IGHMBP2: variants seen among roughly 807,000 people sequenced by gnomAD.
The protein encoded by IGHMBP2 is immunoglobulin mu DNA binding protein 2, also known as DNA-binding protein SMUBP-2.
IGHMBP2 carries 81 observed loss-of-function variants against 96.0 expected under a neutral mutation model. The ratio of observed to expected loss-of-function variants is 0.84; its 90% CI spans 0.71 to 1.01. The LOEUF (loss-of-function observed/expected upper bound fraction) is 1.01. Ranked by LOEUF, IGHMBP2 falls within the 50% of genes least tolerant of loss-of-function variation. The pLI is 0.00. For synonymous variants in IGHMBP2, 557 were observed against 548.9 expected (o/e 1.01, Z -0.21); for missense variants, 1,227 against 1,306.3 (o/e 0.94, Z 0.94).
intron 7 of IGHMBP2, among the ~76,000 whole-genome samples, chr11:68,918,611 C>A (rs1297198634): frequency 6.6e-6 from 1 of 152,048 alleles, no homozygotes; most frequent in Non-Finnish European, 1.5e-5. Flanking sequence ...CACTGCACTC[C>A]AGCCTGGGTG....
intron 4 of IGHMBP2, among the ~76,000 whole-genome samples, 156 bp from the exon 5 acceptor site, chr11:68,911,284 A>G (rs1025610886): frequency 6.6e-6 from 1 of 152,188 alleles, no homozygotes; most frequent in Non-Finnish European, 1.5e-5. Context: ...GTGAAAATAA[A>G]GCAGACTTAA....
At position 68,939,799 on chromosome 11, in the gene IGHMBP2, T is replaced by C. The variant is rs1447687619; in HGVS notation, c.*68T>C. On this transcript the variant is annotated 3_prime_UTR_variant, in exon 15 of 15. Transcript: ENST00000255078. ...AGCCCAGGGCGCTGGCAGACCATGC[T>C]CCGCCTCCACCAGGGCCACAGAGGA... 33 of 1,486,140 alleles carry C rather than the reference T, an allele frequency of 2.2e-5. No individual in the cohort carries two copies. The highest frequency in any genetic ancestry group is 2.8e-5 in the Non-Finnish European group (31 of 1,091,222). The allele number at this position is 1,486,140 out of a possible 1,614,324, so 92.1% of individuals were successfully genotyped here.
chr11:68,936,878 G>T lies in IGHMBP2; in HGVS notation c.2398G>T (p.Gly800Cys). 1 of 1,610,766 alleles carries T rather than the reference G, an allele frequency of 6.2e-7. No individual in the cohort carries two copies. The highest frequency in any genetic ancestry group is 2.2e-5 in the East Asian group (1 of 44,788). The change falls in exon 13 of 15, where the codon GGT (glycine) becomes TGT (cysteine). Residue 800 changes from glycine to cysteine, a missense_variant. Gly to Cys is a radical substitution (Grantham distance 159). Coordinates refer to ENST00000255078, the MANE Select transcript of IGHMBP2 (RefSeq NM_002180.3). ...RAALGPPAGT[G>C]GPAPLQPVPP... ...AGCCCTGGGACCCCCAGCAGGGACC[G>T]GTGGCCCAGCCCCTCTCCAGCCAGT...
chr11:68,939,839 G>T lies in IGHMBP2; in HGVS notation c.*108G>T. On this transcript the variant is annotated 3_prime_UTR_variant, in exon 15 of 15. Transcript: ENST00000255078. ...GCCACAGAGGAGCGGAGGGGCCTAT[G>T]GGGGAGGAGCGGAGGGCCCTGTTGG... 1.6e-6 allele frequency: 2 copies of T among 1,221,856 alleles called. No homozygotes were observed. Among genetic ancestry groups the T allele is most frequent in the South Asian group, 3.0e-5 (2 of 67,730 alleles). 75.7% of individuals were successfully genotyped at this position (1,221,856 alleles called of 1,614,324 possible).
rs1594422527 is a variant in IGHMBP2 at position 68,911,487 on chromosome 11, G to C, written c.595G>C (p.Ala199Pro). 1.2e-6 allele frequency: 2 copies of C among 1,614,134 alleles called. No homozygotes were observed. The highest frequency in any genetic ancestry group is 1.7e-6 in the Non-Finnish European group (2 of 1,180,034). ...CTGCCTGGACACCTCCCAGAAAGAA[G>C]CGGTTTTATTTGCGCTGTCTCAGAA... ...NTCLDTSQKE[A>P]VLFALSQKEL... is the part of the protein sequence containing the mutation. Residue 199 changes from alanine to proline, a missense_variant, in exon 5 of 15, where the codon GCG becomes CCG. This residue lies in a region of IGHMBP2 where 507 missense variants were observed against 496.9 expected (regional missense o/e 1.02). Transcript: ENST00000255078.
At chr11:68,930,148 G>A in intron 8 of IGHMBP2, 1 of 1,201,572 alleles carries the variant, frequency 8.3e-7, no homozygotes, top group South Asian at 1.5e-5. Context: ...CCTGTGAACA[G>A]GGCCTGGCAC....
rs375085896 is a variant in IGHMBP2 at position 68,929,163 on chromosome 11, C to A, written c.1061-20C>A. On this transcript the variant is annotated intron_variant, in intron 7 of 14. Transcript: ENST00000255078. Reference sequence around the variant, plus strand: ...AAGCAGCTGTGCCCCTGGAGACTCCCGGCTCCCTGTTTCCACCAGGTGCGT... The same window carrying A: ...AAGCAGCTGTGCCCCTGGAGACTCCAGGCTCCCTGTTTCCACCAGGTGCGT... 2.5e-6 allele frequency: 4 copies of A among 1,609,362 alleles called. No homozygotes were observed. The highest frequency in any genetic ancestry group is 1.3e-5 in the African/African-American group (1 of 74,890).
At position 68,911,599 on chromosome 11, in the gene IGHMBP2, T is replaced by G. The variant is rs137852669; in HGVS notation, c.707T>G (p.Leu236Ter). Reference sequence around the variant, plus strand: ...ATTCTTCAAGCTGTGAAACAAGGCTTAAAGGTGGGCAGTGCATGCCACTTC... The same window carrying G: ...ATTCTTCAAGCTGTGAAACAAGGCTGAAAGGTGGGCAGTGCATGCCACTTC... ...EIILQAVKQG[L>*]KVLCCAPSNI... Residue 236 changes from leucine to a stop codon, truncating the protein, a stop_gained, in exon 5 of 15, where the codon TTA (leucine) becomes TGA (stop). Coordinates refer to ENST00000255078, the MANE Select transcript of IGHMBP2 (RefSeq NM_002180.3). LOFTEE classifies it high-confidence loss of function. 5 of 1,614,032 alleles carry G rather than the reference T, an allele frequency of 3.1e-6. No homozygotes were observed. Among genetic ancestry groups the G allele is most frequent in the Middle Eastern group, 1.7e-4 (1 of 6,052 alleles).
At position 68,929,149 on chromosome 11, in the gene IGHMBP2, C is replaced by T. The variant is rs746562021; in HGVS notation, c.1061-34C>T. The T allele has an allele frequency of 2.9e-4, 462 of 1,603,506 alleles. 2 individuals carry two copies. Among genetic ancestry groups the T allele is most frequent in the South Asian group, 8.0e-4 (73 of 90,982 alleles). On this transcript the variant is annotated intron_variant, in intron 7 of 14. Transcript: ENST00000255078. ...GCTGCGCTGTTGGGAAGCAGCTGTG[C>T]CCCTGGAGACTCCCGGCTCCCTGTT...
At chr11:68,919,662 G>A (rs931296114) in intron 7 of IGHMBP2, among the ~76,000 whole-genome samples, 6 of 152,174 alleles carry the variant, frequency 3.9e-5, no homozygotes. Context: ...ATTGAGAGAG[G>A]GACGTTGAAA....
chr11:68,908,326 G>T lies in IGHMBP2; in HGVS notation c.438G>T (p.Arg146Ser). ...AACTTGCCAATGATGTCACTTACAGGCGACTGAAAAAGTAAGTGGATGGGA... is the reference window on the plus strand; with the variant it reads ...AACTTGCCAATGATGTCACTTACAGTCGACTGAAAAAGTAAGTGGATGGGA... ...LLKLANDVTY[R>S]RLKKALIALK... The change falls in exon 3 of 15, where the codon AGG (arginine) becomes AGT (serine). Residue 146 changes from arginine to serine, a missense_variant. Coordinates refer to ENST00000255078, the MANE Select transcript of IGHMBP2 (RefSeq NM_002180.3). 1.9e-6 allele frequency: 3 copies of T among 1,613,880 alleles called. No homozygotes were observed. Among genetic ancestry groups the T allele is most frequent in the Non-Finnish European group, 2.5e-6 (3 of 1,179,866 alleles).
At chr11:68,936,011 G>A (rs1859511082) in intron 12 of IGHMBP2, among the ~76,000 whole-genome samples, 3 of 152,300 alleles carry the variant, frequency 2.0e-5, no homozygotes, top group South Asian at 2.1e-4. Flanking sequence ...GGAAAGGAGC[G>A]ACAGAACCCA....
At position 68,936,709 on chromosome 11, in the gene IGHMBP2, G is replaced by T. The variant is rs1350069736; in HGVS notation, c.2229G>T (p.Gln743His). 1 of 1,614,132 alleles carries T rather than the reference G, an allele frequency of 6.2e-7. No individual in the cohort carries two copies. ...IVEFMASKKM[Q>H]LEFPPSLNSH... ...AGTTCATGGCCAGCAAGAAGATGCAGTTGGAGTTTCCTCCTTCCCTCAATT... is the reference window on the plus strand; with the variant it reads ...AGTTCATGGCCAGCAAGAAGATGCATTTGGAGTTTCCTCCTTCCCTCAATT... The change falls in exon 13 of 15, where the codon CAG becomes CAT. Residue 743 changes from glutamine to histidine, a missense_variant. Physicochemically the swap from Gln to His is conservative, Grantham distance 24 (BLOSUM62 0). Coordinates refer to ENST00000255078, the MANE Select transcript of IGHMBP2 (RefSeq NM_002180.3).
At chr11:68,916,223 G>T (rs1354860336) in intron 6 of IGHMBP2, among the ~76,000 whole-genome samples, 7 of 152,022 alleles carry the variant, frequency 4.6e-5, no homozygotes, top group Non-Finnish European at 1.0e-4. Flanking sequence ...TGGTCCTGTT[G>T]TCTTGCTAGT....
At chr11:68,919,190 C>T (rs1858785158) in intron 7 of IGHMBP2, among the ~76,000 whole-genome samples, 1 of 151,128 alleles carries the variant, frequency 6.6e-6, no homozygotes, top group African/African-American at 2.4e-5. Flanking sequence ...CCCTCCCCTC[C>T]CCGTCCCCGT....
At chr11:68,912,748 T>G (rs1858486388) in intron 5 of IGHMBP2, among the ~76,000 whole-genome samples, 1 of 151,930 alleles carries the variant, frequency 6.6e-6, no homozygotes, top group Non-Finnish European at 1.5e-5. Context: ...CCCCAGTTTG[T>G]AGACAAGGAA....
At chr11:68,915,165 CCTTT>C in intron 6 of IGHMBP2, 142 bp downstream of exon 6, 3 of 265,068 alleles carry the variant, frequency 1.1e-5, no homozygotes, top group South Asian at 1.6e-4. Flanking sequence ...ATTGGGCTGC[CCTTT>C]TTTTTTTTTT....
rs530795780 is a variant in IGHMBP2, at chr11:68,905,945, T to C, written c.87-124T>C. 2.6e-4 allele frequency: 257 copies of C among 980,510 alleles called. 1 individual carries two copies. The highest frequency in any genetic ancestry group is 1.5e-3 in the East Asian group (62 of 42,076). 60.7% of individuals were successfully genotyped at this position (980,510 alleles called of 1,614,324 possible). On this transcript the variant is annotated intron_variant, in intron 1 of 14. Coordinates refer to ENST00000255078, the MANE Select transcript of IGHMBP2 (RefSeq NM_002180.3). ...GGAGTGGAGCCAATTCGGAGTTCCA[T>C]TGGGACATATTTAGTGCCTGTGAGT...
chr11:68,929,803 G>A (rs1019960313), intron 8 of IGHMBP2: 19 of 939,178 alleles, frequency 2.0e-5, no homozygotes, highest in Admixed American at 1.6e-4. Flanking sequence ...TGGTTCTGCC[G>A]TGCGGAGACA....
Sources: allele counts gnomAD v4.1 joint callset (sites outside exome capture counted in the v4.1 genomes callset), GRCh38; gene constraint gnomAD v4.1.1; regional missense constraint gnomAD v4.1.1; transcripts MANE v1.5; gene names NCBI Gene and HGNC (gene_info 2026-07-23, HGNC 2026-07-21).